Variants in LGR5 observed in about 807,000 individuals in gnomAD.
LGR5 encodes leucine rich repeat containing G protein-coupled receptor 5, also known as leucine-rich repeat-containing G protein-coupled receptor 5.
A neutral mutation model predicts 76.7 loss-of-function variants in LGR5; 54 were observed. The observed-to-expected ratio is 0.70, with a 90% CI of 0.57 to 0.88. The LOEUF (loss-of-function observed/expected upper bound fraction) is 0.88. LGR5 is among the 40% of genes least tolerant of loss of function. LGR5 has a pLI of 0.00. For synonymous variants in LGR5, 406 were observed against 421.9 expected, an observed-to-expected ratio of 0.96 and a Z score of 0.46; for missense variants, 1,078 against 1,073.3, an observed-to-expected ratio of 1.00 and a Z score of -0.06.
At chr12:71,466,664 T>C (rs1274301195) in intron 1 of LGR5, among the ~76,000 whole-genome samples, 1 of 150,338 alleles carries the variant, frequency 6.7e-6, no homozygotes, top group Non-Finnish European at 1.5e-5. Flanking sequence ...ATTTCCTCTG[T>C]CTTCCATGTT....
At chr12:71,458,011 C>T (rs1458132235) in intron 1 of LGR5, among the ~76,000 whole-genome samples, 1 of 152,046 alleles carries the variant, frequency 6.6e-6, no homozygotes, top group Non-Finnish European at 1.5e-5. Context: ...TTCAGTAGTG[C>T]CGCCTCCTCC....
Position 71,456,401 on chromosome 12 carries a change from G to T in LGR5, c.212+16109G>T, listed in dbSNP as rs117673122. ...TGTGAAAGAAAGCTGGCAGGGTTGTGTTCTTTGATTCCTAATTAACACCTT... is the reference window on the plus strand; with the variant it reads ...TGTGAAAGAAAGCTGGCAGGGTTGTTTTCTTTGATTCCTAATTAACACCTT... On this transcript the variant is annotated intron_variant, in intron 1 of 17. Coordinates refer to ENST00000266674, the MANE Select transcript of LGR5 (RefSeq NM_003667.4). 1.3e-4 allele frequency among the ~76,000 whole-genome samples: 20 copies of T among 152,288 alleles called. No homozygotes were observed. The East Asian group carries it at 3.7e-3, about 28-fold the overall frequency.
chr12:71,480,763 C>A (rs908276398), intron 1 of LGR5, among the ~76,000 whole-genome samples: 2 of 152,156 alleles, frequency 1.3e-5, no homozygotes, highest in African/African-American at 4.8e-5. Flanking sequence ...GAGATCCTTT[C>A]AAGTATCAGA....
intron 11 of LGR5, among the ~76,000 whole-genome samples, chr12:71,568,370 CT>C (rs1878448431): frequency 6.6e-6 from 1 of 152,182 alleles, no homozygotes; most frequent in Non-Finnish European, 1.5e-5. Flanking sequence ...GATGTAGCCA[CT>C]TCCTTCAGAG....
chr12:71,509,800 C>T (rs1488916937), intron 2 of LGR5, among the ~76,000 whole-genome samples: 1 of 152,054 alleles, frequency 6.6e-6, no homozygotes, highest in Non-Finnish European at 1.5e-5. Context: ...ATCAAATACT[C>T]GATTTAGAAA....
At chr12:71,449,968 T>A (rs2137206457) in intron 1 of LGR5, among the ~76,000 whole-genome samples, 1 of 152,336 alleles carries the variant, frequency 6.6e-6, no homozygotes, top group South Asian at 2.1e-4. Context: ...ATCACTTAGA[T>A]GGGTTACAAA....
At chr12:71,548,481 C>A (rs1051566666) in intron 4 of LGR5, among the ~76,000 whole-genome samples, 2 of 152,140 alleles carry the variant, frequency 1.3e-5, no homozygotes, top group African/African-American at 4.8e-5. Flanking sequence ...CACTGACAAT[C>A]CAGCACTCAT....
intron 1 of LGR5, among the ~76,000 whole-genome samples, chr12:71,471,783 C>T (rs975051044): frequency 2.0e-5 from 3 of 151,908 alleles, no homozygotes; most frequent in Admixed American, 6.6e-5. Flanking sequence ...TAACAGCCCC[C>T]ACCACAAAGG....
intron 1 of LGR5, among the ~76,000 whole-genome samples, chr12:71,487,049 A>G (rs1027817085): frequency 6.6e-6 from 1 of 152,184 alleles, no homozygotes; most frequent in Non-Finnish European, 1.5e-5. Flanking sequence ...AAACCTTTAT[A>G]TATTTTGTTG....
At chr12:71,551,737 G>A (rs1877494527) in intron 4 of LGR5, among the ~76,000 whole-genome samples, 1 of 152,132 alleles carries the variant, frequency 6.6e-6, no homozygotes, top group Admixed American at 6.5e-5. Flanking sequence ...TCCCTCTGCT[G>A]GCTTTTAGGT....
In LGR5 at chr12:71,553,299, T is replaced by A. The variant is rs1431858843; in HGVS notation, c.644+11T>A. 6.2e-7 allele frequency: 1 copy of A among 1,607,064 alleles called. No homozygotes were observed. Among genetic ancestry groups the A allele is most frequent in the African/African-American group, 1.3e-5 (1 of 74,738 alleles). ...CAGCTTGGTAGTTCTGTAAGTTTTA[T>A]TGATTTTGCTCTCTTTTAACAGTTT... is the stretch of plus-strand genomic sequence containing the variant. On this transcript the variant is annotated intron_variant, in intron 5 of 17. Coordinates refer to ENST00000266674, the MANE Select transcript of LGR5 (RefSeq NM_003667.4).
intron 1 of LGR5, among the ~76,000 whole-genome samples, chr12:71,485,174 T>A (rs1360916328): frequency 1.3e-5 from 2 of 152,220 alleles, no homozygotes; most frequent in Non-Finnish European, 2.9e-5. Context: ...AAAGTCTATG[T>A]TATTATAATG....
intron 8 of LGR5, among the ~76,000 whole-genome samples, chr12:71,566,096 A>G (rs969977611): frequency 1.3e-5 from 2 of 152,092 alleles, no homozygotes; most frequent in Admixed American, 6.6e-5. Context: ...TATTCTACAG[A>G]TGTTGGAGGG....
At chr12:71,492,787 G>GTTACAGCAAGTATGTTTT (rs1565688545) in intron 1 of LGR5, among the ~76,000 whole-genome samples, 6 of 145,890 alleles carry the variant, frequency 4.1e-5, no homozygotes, top group African/African-American at 1.7e-4. Context: ...TCTTGATTTT[G>GTTACAGCAAGTATGTTTT]AGTTATGATA....
intron 3 of LGR5, among the ~76,000 whole-genome samples, chr12:71,525,429 G>T (rs1362813880): frequency 1.0e-4 from 15 of 149,786 alleles, no homozygotes; most frequent in South Asian, 2.1e-4. Flanking sequence ...CTACTAAGAA[G>T]AAATGCTTTT....
At chr12:71,514,329 G>A (rs756606310) in intron 2 of LGR5, among the ~76,000 whole-genome samples, 43 of 152,038 alleles carry the variant, frequency 2.8e-4, no homozygotes, top group Non-Finnish European at 4.9e-4. Context: ...AGCACTTTGG[G>A]AGGCCGAGGC....
chr12:71,567,268 G>T, intron 11 of LGR5: 2 of 213,550 alleles, frequency 9.4e-6, no homozygotes, highest in South Asian at 9.2e-5. Flanking sequence ...CAATATGGAT[G>T]CCAAAATCAA....
At chr12:71,573,841 T>A (rs1878725861) in intron 13 of LGR5, among the ~76,000 whole-genome samples, 2 of 151,918 alleles carry the variant, frequency 1.3e-5, no homozygotes, top group Non-Finnish European at 2.9e-5. Flanking sequence ...CAGAATAACA[T>A]CTTGTTCTGA....
intron 1 of LGR5, among the ~76,000 whole-genome samples, chr12:71,466,597 A>C (rs1338829971): frequency 6.6e-6 from 1 of 152,044 alleles, no homozygotes; most frequent in Non-Finnish European, 1.5e-5. Context: ...CGATCATACT[A>C]TTTTGCAGTT....
Sources: gnomAD v4.1 joint callset for allele counts (sites outside exome capture counted in the v4.1 genomes callset) on GRCh38, gnomAD v4.1.1 for gene constraint, MANE v1.5 for transcripts, NCBI Gene and HGNC (gene_info 2026-07-23, HGNC 2026-07-21) for gene names.